The following RADX variants were observed in gnomAD, a reference collection of about 807,000 sequenced individuals.
RADX encodes RPA-related protein RADX.
Under a neutral mutation model 61.6 loss-of-function variants are expected in RADX, and 36 were observed. The ratio of observed to expected loss-of-function variants is 0.58; its 90% confidence interval spans 0.45 to 0.77. RADX has a LOEUF of 0.77. RADX is among the 30% of genes least tolerant of loss of function. The pLI is 0.00. For synonymous variants in RADX, 272 were observed against 237.9 expected, an observed-to-expected ratio of 1.14 and a Z score of -1.32; for missense variants, 497 against 651.1, an observed-to-expected ratio of 0.76 and a Z score of 2.58.
At chrX:106,627,815 C>CT (rs1927107697) in intron 3 of RADX, among the ~76,000 whole-genome samples, 1 of 111,502 alleles carries the variant, frequency 9.0e-6, no homozygotes, top group South Asian at 3.7e-4. Flanking sequence ...AGGTGACTAT[C>CT]TTTTTTATTG....
intron 1 of RADX, among the ~76,000 whole-genome samples, chrX:106,620,346 TA>T (rs200656958): frequency 1.8e-5 from 2 of 111,450 alleles, no homozygotes; most frequent in African/African-American, 3.3e-5. Context: ...ATTGATCATT[TA>T]AAAAATTCTT....
chrX:106,643,598 A>AGT (rs1020008248), intron 10 of RADX, among the ~76,000 whole-genome samples: 4 of 111,430 alleles, frequency 3.6e-5, no homozygotes, highest in African/African-American at 9.8e-5. Flanking sequence ...TCTTTACCCC[A>AGT]GTGTATGTTC....
chrX:106,655,198 T>C (rs1440062707), intron 11 of RADX, among the ~76,000 whole-genome samples: 1 of 111,477 alleles, frequency 9.0e-6, no homozygotes, highest in East Asian at 2.8e-4. Flanking sequence ...AATACTGTAT[T>C]GCTAATAAAT....
chrX:106,677,103 C>T (rs369491641), intron 13 of RADX, among the ~76,000 whole-genome samples: 2 of 112,111 alleles, frequency 1.8e-5, no homozygotes, highest in African/African-American at 6.5e-5. Flanking sequence ...TGTGGGAATG[C>T]TCCAAACTGG....
At position 106,678,293 on chromosome X, in the gene RADX, G is replaced by C. The variant is rs750584284; in HGVS notation, c.*35G>C. On this transcript the variant is annotated 3_prime_UTR_variant, in exon 14 of 14. Transcript: ENST00000372548. ...AATGAAATTATTACAGATTATACGA[G>C]TGTACTGCTTTAAAGATATTCCATC... The C allele has an allele frequency of 7.1e-5, 71 of 1,005,421 alleles. 1 individual carries two copies. The South Asian group carries it at 1.5e-3, about 21-fold the overall frequency. The allele number at this position is 1,005,421 out of a possible 1,213,427, so 82.9% of individuals were successfully genotyped here.
rs1440324633 is a variant in RADX at position 106,612,497 on chromosome X, T to C, written c.417T>C (p.Asn139=). 3 of 1,210,942 alleles carry C rather than the reference T, an allele frequency of 2.5e-6. No homozygotes were observed. Among genetic ancestry groups the C allele is most frequent in the Non-Finnish European group, 3.4e-6 (3 of 894,911 alleles). ...MRISRVSCLY[N]EKRIGQGILC... ...TTTCCAGGGTCTCATGTCTTTACAA[T>C]GAGAAAAGGATAGGCCAGGGGATCC... The change falls in exon 1 of 14, where the codon AAT becomes AAC. Residue 139 remains asparagine, a synonymous_variant. Transcript: ENST00000372548.
chrX:106,646,819 T>C (rs1358943252), intron 10 of RADX, among the ~76,000 whole-genome samples: 1 of 111,551 alleles, frequency 9.0e-6, no homozygotes, highest in Non-Finnish European at 1.9e-5. Flanking sequence ...ATGTAAAAAC[T>C]AGGCCATTGC....
At chrX:106,641,835 A>G (rs1316636880) in intron 10 of RADX, among the ~76,000 whole-genome samples, 1 of 111,254 alleles carries the variant, frequency 9.0e-6, no homozygotes, top group African/African-American at 3.3e-5. Context: ...CCTGAACAAC[A>G]AGAACATTAT....
At chrX:106,670,713 G>A (rs1928342885) in intron 13 of RADX, among the ~76,000 whole-genome samples, 1 of 109,669 alleles carries the variant, frequency 9.1e-6, no homozygotes, top group South Asian at 3.8e-4. Context: ...CATTTTATAT[G>A]GTACAGCTAA....
intron 10 of RADX, among the ~76,000 whole-genome samples, chrX:106,641,952 G>A (rs1047197349): frequency 8.9e-6 from 1 of 111,815 alleles, no homozygotes. Flanking sequence ...AAAGTGTCAG[G>A]AAAGCCCAAA....
chrX:106,625,311 A>T (rs1169591605), intron 3 of RADX, 29 bp downstream of exon 3: 1 of 1,023,171 alleles, frequency 9.8e-7, no homozygotes, highest in East Asian at 3.2e-5. Context: ...TTGTTGTCTT[A>T]TCGCTGTTTT....
chrX:106,658,575 A>C (rs943674376), intron 11 of RADX, among the ~76,000 whole-genome samples: 4 of 112,251 alleles, frequency 3.6e-5, no homozygotes, highest in African/African-American at 1.3e-4. Context: ...TAAAAGCTAA[A>C]TGTTAATTAA....
intron 10 of RADX, among the ~76,000 whole-genome samples, chrX:106,642,345 A>G (rs1026966628): frequency 1.8e-5 from 2 of 110,656 alleles, no homozygotes; most frequent in African/African-American, 6.6e-5. Flanking sequence ...AGTAGGTCTT[A>G]TTCATTCTTT....
chrX:106,631,813 GAGAA>G lies in RADX; in HGVS notation c.980-798_980-795del, dbSNP rs1415388122. Among the ~76,000 whole-genome samples, 38 of 104,905 alleles carry G rather than the reference GAGAA, an allele frequency of 3.6e-4. 1 individual carries two copies. Among genetic ancestry groups the G allele is most frequent in the South Asian group, 8.3e-4 (2 of 2,421 alleles). 91.1% of individuals were successfully genotyped at this position (104,905 alleles called of 115,157 possible). A position where few individuals can be genotyped will look rare whatever the true frequency, so the allele number is the denominator to read the frequency against. On this transcript the variant is annotated intron_variant, in intron 3 of 13. Transcript: ENST00000372548. ...GAAAGAGAAAGAAAGAAGAAAGAAAGAGAAAGAAAGAAAGAAAAGAAAGAAAGAA... is the reference window on the plus strand; with the variant it reads ...GAAAGAGAAAGAAAGAAGAAAGAAAGAGAAAGAAAGAAAAGAAAGAAAGAA...
intron 1 of RADX, among the ~76,000 whole-genome samples, chrX:106,620,193 G>A (rs1255171329): frequency 8.9e-6 from 1 of 112,023 alleles, no homozygotes; most frequent in Non-Finnish European, 1.9e-5. Context: ...TATTAAGCTA[G>A]ATACTAACAA....
intron 11 of RADX, among the ~76,000 whole-genome samples, chrX:106,651,982 G>C (rs979428820): frequency 2.8e-4 from 31 of 109,876 alleles, no homozygotes; most frequent in African/African-American, 1.0e-3. Flanking sequence ...AGGAGTTCAA[G>C]ACTAGTCTGG....
At chrX:106,629,549 A>C (rs1479143007) in intron 3 of RADX, among the ~76,000 whole-genome samples, 1 of 112,110 alleles carries the variant, frequency 8.9e-6, no homozygotes, top group Non-Finnish European at 1.9e-5. Context: ...TCAGAGGTTT[A>C]AATTTTTCCC....
intron 13 of RADX, among the ~76,000 whole-genome samples, chrX:106,672,287 G>C (rs1353063056): frequency 9.0e-6 from 1 of 111,459 alleles, no homozygotes; most frequent in South Asian, 3.8e-4. Context: ...CCATTGAACA[G>C]TAACTCCCCA....
chrX:106,612,710 A>G lies in RADX; in HGVS notation c.630A>G (p.Glu210=). ...GGTTAACAGACAAGCAACCTGAGGAACACAACTTTAGCGGTAAGTGTTTGG... is the reference window on the plus strand; with the variant it reads ...GGTTAACAGACAAGCAACCTGAGGAGCACAACTTTAGCGGTAAGTGTTTGG... ...DIWLTDKQPE[E]HNFSDTKIIS... is the part of the protein sequence containing the mutation. Residue 210 remains glutamate, a synonymous_variant, in exon 1 of 14, where the codon GAA becomes GAG. Transcript: ENST00000372548. The G allele has an allele frequency of 3.3e-6, 4 of 1,194,640 alleles. No individual in the cohort carries two copies. Among genetic ancestry groups the G allele is most frequent in the Non-Finnish European group, 4.5e-6 (4 of 889,110 alleles).
Sources: allele counts gnomAD v4.1 joint callset (sites outside exome capture counted in the v4.1 genomes callset), GRCh38; gene constraint gnomAD v4.1.1; transcripts MANE v1.5; gene names NCBI Gene and HGNC (gene_info 2026-07-23, HGNC 2026-07-21).